Variants in ERC1 observed in about 807,000 individuals in gnomAD.
ERC1 encodes the protein ELKS/RAB6-interacting/CAST family member 1, also known as RAB6 interacting protein 2.
A neutral mutation model predicts 132.0 loss-of-function variants in ERC1; 56 were observed. The observed-to-expected ratio is 0.42, with a 90% confidence interval of 0.34 to 0.53. The LOEUF (loss-of-function observed/expected upper bound fraction) is 0.53, where lower values mean the gene tolerates loss of function less well. ERC1 is among the 20% of genes least tolerant of loss of function. The probability of loss-of-function intolerance (pLI) is 0.03; values close to 1 mark genes in which losing one functional copy is unlikely to be tolerated. For synonymous variants in ERC1, 478 were observed against 476.1 expected, an observed-to-expected ratio of 1.00 and a Z score of -0.05; for missense variants, 1,202 against 1,349.9, an observed-to-expected ratio of 0.89 and a Z score of 1.72.
At chr12:1,260,602 G>A (rs1237596157) in intron 13 of ERC1, among the ~76,000 whole-genome samples, 2 of 152,186 alleles carry the variant, frequency 1.3e-5, no homozygotes, top group Non-Finnish European at 2.9e-5. Context: ...CAACACAAGA[G>A]AAACTTCTTG....
In ERC1 at chr12:1,236,916, A is replaced by G; in HGVS notation, c.2487+12A>G. 3 of 1,613,474 alleles carry G rather than the reference A, an allele frequency of 1.9e-6. No individual in the cohort carries two copies. Among genetic ancestry groups the G allele is most frequent in the Non-Finnish European group, 2.5e-6 (3 of 1,179,580 alleles). On this transcript the variant is annotated intron_variant, in intron 13 of 18. Transcript: ENST00000360905. Reference sequence around the variant, plus strand: ...CTCAGCAGCTACAGGTTAGAACACAAGGAGAATCTGAAAGGATCGGGTGAA... The same window carrying G: ...CTCAGCAGCTACAGGTTAGAACACAGGGAGAATCTGAAAGGATCGGGTGAA...
chr12:1,150,098 A>G (rs1031295652), intron 8 of ERC1, among the ~76,000 whole-genome samples: 13 of 152,200 alleles, frequency 8.5e-5, no homozygotes, highest in Non-Finnish European at 1.3e-4. Flanking sequence ...GGCATGGGAT[A>G]AGATGTTCAT....
rs1566366033 is a variant in ERC1, at chr12:1,244,502, GTTTGTTTGTTT to G, written c.2487+7599_2487+7609del. 3 of 211,554 alleles carry G rather than the reference GTTTGTTTGTTT, an allele frequency of 1.4e-5. No homozygotes were observed. The African/African-American group carries it at 2.8e-4, about 20-fold the overall frequency. 13.1% of individuals were successfully genotyped at this position (211,554 alleles called of 1,614,324 possible). A position where few individuals can be genotyped will look rare whatever the true frequency, so the allele number is the denominator to read the frequency against. Reference sequence around the variant, plus strand: ...TTAAGTGTTTTGTACTTAATGGTTTGTTTGTTTGTTTGTTTGTTTGTTTGTTTGTTTGTTTT... The same window carrying G: ...TTAAGTGTTTTGTACTTAATGGTTTGGTTTGTTTGTTTGTTTGTTTGTTTT... On this transcript the variant is annotated intron_variant, in intron 13 of 18. Transcript: ENST00000360905.
chr12:1,223,024 T>C (rs1294583518), intron 12 of ERC1, among the ~76,000 whole-genome samples: 1 of 152,228 alleles, frequency 6.6e-6, no homozygotes, highest in Non-Finnish European at 1.5e-5. Flanking sequence ...AGGGTATGAT[T>C]AGTTTCCTTT....
At chr12:1,081,408 A>G (rs563740629) in intron 2 of ERC1, among the ~76,000 whole-genome samples, 1 of 152,144 alleles carries the variant, frequency 6.6e-6, no homozygotes, top group Non-Finnish European at 1.5e-5. Context: ...ACTTTGCTAT[A>G]TTATTATCTT....
At chr12:1,082,229 C>T (rs780373419) in intron 2 of ERC1, among the ~76,000 whole-genome samples, 3 of 151,952 alleles carry the variant, frequency 2.0e-5, no homozygotes, top group Non-Finnish European at 4.4e-5. Flanking sequence ...GGTTTTACCA[C>T]GTTGGCCAGG....
intron 18 of ERC1, among the ~76,000 whole-genome samples, chr12:1,484,205 T>C (rs61912163): frequency 0.1 from 15,718 of 151,566 alleles, 1,040 homozygotes; most frequent in Non-Finnish European, 0.14. Flanking sequence ...CTCGGGAGGC[T>C]GAGGCAGGAG....
chr12:1,149,842 T>C (rs1454769352), intron 8 of ERC1, among the ~76,000 whole-genome samples: 4 of 152,170 alleles, frequency 2.6e-5, no homozygotes, highest in Non-Finnish European at 5.9e-5. Flanking sequence ...ATATTATTAT[T>C]CTTTAGTTTT....
At chr12:1,057,283 C>A (rs1363591707) in intron 2 of ERC1, among the ~76,000 whole-genome samples, 3 of 152,028 alleles carry the variant, frequency 2.0e-5, no homozygotes, top group Non-Finnish European at 4.4e-5. Flanking sequence ...ATCACCACAC[C>A]TAGCTAATTT....
intron 17 of ERC1, among the ~76,000 whole-genome samples, chr12:1,409,129 T>C (rs1644528590): frequency 6.6e-6 from 1 of 152,236 alleles, no homozygotes; most frequent in South Asian, 2.1e-4. Context: ...GCAGCAATGG[T>C]ATTCAAATTG....
chr12:1,084,994 C>T (rs1313003535), intron 3 of ERC1, among the ~76,000 whole-genome samples: 1 of 67,400 alleles, frequency 1.5e-5, no homozygotes, highest in African/African-American at 3.9e-5. Flanking sequence ...TATGCCTATG[C>T]CTGGCCCATT....
chr12:1,182,766 A>T (rs1954623152), intron 10 of ERC1, among the ~76,000 whole-genome samples: 1 of 151,324 alleles, frequency 6.6e-6, no homozygotes, highest in Non-Finnish European at 1.5e-5. Context: ...GGCCCAAGGG[A>T]TCTTCCTATT....
intron 18 of ERC1, among the ~76,000 whole-genome samples, chr12:1,456,841 C>T (rs2093547737): frequency 6.6e-6 from 1 of 152,044 alleles, no homozygotes. Flanking sequence ...ACCAGAAGAA[C>T]TGTGTTCTCT....
At chr12:1,418,633 TTCTTTCTTTC>T (rs1171559463) in intron 17 of ERC1, among the ~76,000 whole-genome samples, 1,516 of 84,940 alleles carry the variant, frequency 0.018, 23 homozygotes, top group Admixed American at 0.027. Context: ...CTTTCTTTCT[TTCTTTCTTTC>T]TCTCTCTCTC....
At chr12:1,375,951 T>C (rs1243568988) in intron 16 of ERC1, among the ~76,000 whole-genome samples, 1 of 152,124 alleles carries the variant, frequency 6.6e-6, no homozygotes, top group Non-Finnish European at 1.5e-5. Flanking sequence ...TTGGCCAGGC[T>C]GATCTTGAGC....
At chr12:1,222,683 A>AG (rs1555314613) in intron 12 of ERC1, among the ~76,000 whole-genome samples, 1 of 151,912 alleles carries the variant, frequency 6.6e-6, no homozygotes, top group Non-Finnish European at 1.5e-5. Context: ...GATTGATAAT[A>AG]TTTTTTTTAA....
chr12:1,220,048 C>A (rs1023464740), intron 12 of ERC1, among the ~76,000 whole-genome samples: 1 of 152,124 alleles, frequency 6.6e-6, no homozygotes, highest in Non-Finnish European at 1.5e-5. Context: ...CACCTATCAG[C>A]TTTTTTGTTG....
At chr12:1,066,879 A>C (rs1427431528) in intron 2 of ERC1, among the ~76,000 whole-genome samples, 2 of 151,984 alleles carry the variant, frequency 1.3e-5, no homozygotes, top group Non-Finnish European at 2.9e-5. Flanking sequence ...CTTATTACGA[A>C]CTTATGTTTA....
chr12:1,387,755 TG>T (rs1283474677), intron 16 of ERC1, among the ~76,000 whole-genome samples: 4 of 152,242 alleles, frequency 2.6e-5, no homozygotes, highest in Non-Finnish European at 5.9e-5. Context: ...CTTTTGGACT[TG>T]GGGCCGCTAG....
Sources: allele counts gnomAD v4.1 joint callset (sites outside exome capture counted in the v4.1 genomes callset), GRCh38; gene constraint gnomAD v4.1.1; transcripts MANE v1.5; gene names NCBI Gene and HGNC (gene_info 2026-07-23, HGNC 2026-07-21).